The following FRMD4A variants were observed in gnomAD, a reference collection of about 807,000 sequenced individuals.
FRMD4A encodes the protein FERM domain-containing protein 4A.
A neutral mutation model predicts 129.1 loss-of-function variants in FRMD4A; 29 were observed. The observed-to-expected ratio is 0.22, with a 90% CI of 0.17 to 0.31. The LOEUF is 0.31. Ranked by LOEUF, FRMD4A falls within the 10% of genes least tolerant of loss-of-function variation. The pLI is 1.00. For missense variants in FRMD4A, 1,272 were observed against 1,375.8 expected (o/e 0.92, Z 1.19); for synonymous variants, 634 against 571.6 (o/e 1.11, Z -1.56).
intron 5 of FRMD4A, among the ~76,000 whole-genome samples, chr10:13,790,513 G>A (rs1167627553): frequency 5.3e-5 from 8 of 152,200 alleles, no homozygotes; most frequent in African/African-American, 1.9e-4. Flanking sequence ...GCAGAGCAGA[G>A]CAGGGAACCT....
At chr10:13,738,773 AC>A (rs1277043908) in intron 11 of FRMD4A, among the ~76,000 whole-genome samples, 2 of 152,206 alleles carry the variant, frequency 1.3e-5, no homozygotes, top group South Asian at 4.2e-4. Flanking sequence ...GGCACGTGCC[AC>A]CACGTCTGGC....
chr10:14,261,867 T>A (rs903187279), intron 2 of FRMD4A, among the ~76,000 whole-genome samples: 1 of 151,838 alleles, frequency 6.6e-6, no homozygotes, highest in Non-Finnish European at 1.5e-5. Flanking sequence ...CCAATCTGTG[T>A]CTAAAACGTA....
chr10:13,651,817 C>G (rs780225151), intron 24 of FRMD4A, 86 bp downstream of exon 24: 5 of 774,046 alleles, frequency 6.5e-6, no homozygotes, highest in Non-Finnish European at 1.2e-5. Flanking sequence ...CAGATGTATC[C>G]TTGTGGAAAT....
intron 4 of FRMD4A, among the ~76,000 whole-genome samples, chr10:13,804,816 C>T (rs1400269622): frequency 1.3e-5 from 2 of 151,482 alleles, no homozygotes; most frequent in African/African-American, 4.9e-5. Context: ...CCTCGGCCTC[C>T]CAAAGTGTTA....
chr10:13,751,476 G>T (rs1192213020), intron 8 of FRMD4A, among the ~76,000 whole-genome samples: 3 of 152,148 alleles, frequency 2.0e-5, no homozygotes, highest in South Asian at 2.1e-4. Context: ...GGGGTGTCTA[G>T]CCCTGTCAAT....
chr10:14,220,291 CA>C (rs1843206463), intron 2 of FRMD4A, among the ~76,000 whole-genome samples: 1 of 152,258 alleles, frequency 6.6e-6, no homozygotes, highest in African/African-American at 2.4e-5. Context: ...TATATGGCCC[CA>C]CTTCGGGAAA....
At chr10:14,139,525 C>G (rs1230609679) in intron 2 of FRMD4A, among the ~76,000 whole-genome samples, 1 of 152,080 alleles carries the variant, frequency 6.6e-6, no homozygotes, top group East Asian at 1.9e-4. Flanking sequence ...CCATGGCTCT[C>G]TACAACCTTG....
chr10:13,651,933 G>C lies in FRMD4A; in HGVS notation c.3092C>G (p.Ser1031Cys). ...TTCATCAGTACTTTGGTGAGGTGGA[G>C]ACTCAGACCCATCCAGAATGGGTGA... ...ENSPILDGSE[S>C]PPHQSTDE The change falls in exon 24 of 25, where the codon TCT (serine) becomes TGT (cysteine). Residue 1031 changes from serine to cysteine, a missense_variant. This residue lies in a region of FRMD4A where 972 missense variants were observed against 892.3 expected (regional missense o/e 1.09). Coordinates refer to ENST00000357447, the MANE Select transcript of FRMD4A (RefSeq NM_018027.5). 6.3e-7 allele frequency: 1 copy of C among 1,596,956 alleles called. No homozygotes were observed. Among genetic ancestry groups the C allele is most frequent in the Non-Finnish European group, 8.6e-7 (1 of 1,164,286 alleles).
chr10:13,820,738 G>C (rs1012724588), intron 3 of FRMD4A, among the ~76,000 whole-genome samples: 1 of 152,170 alleles, frequency 6.6e-6, no homozygotes, highest in Non-Finnish European at 1.5e-5. Context: ...GTTTGGACAC[G>C]CATGGCCGGA....
intron 2 of FRMD4A, among the ~76,000 whole-genome samples, chr10:14,231,512 T>G (rs1014877369): frequency 6.6e-6 from 1 of 152,076 alleles, no homozygotes; most frequent in African/African-American, 2.4e-5. Flanking sequence ...CCGGCTAATT[T>G]TTGTTGTGTG....
At chr10:13,952,297 A>G (rs1429900105) in intron 2 of FRMD4A, among the ~76,000 whole-genome samples, 1 of 151,958 alleles carries the variant, frequency 6.6e-6, no homozygotes, top group Non-Finnish European at 1.5e-5. Flanking sequence ...CAGGAGTTCA[A>G]GATTAGCTTG....
intron 2 of FRMD4A, among the ~76,000 whole-genome samples, chr10:14,118,797 C>A (rs1321421683): frequency 3.3e-5 from 5 of 152,150 alleles, no homozygotes; most frequent in Non-Finnish European, 7.4e-5. Context: ...AATTACCTCC[C>A]CTTGGCCCCA....
At chr10:13,919,476 A>G (rs1196994507) in intron 2 of FRMD4A, among the ~76,000 whole-genome samples, 2 of 152,238 alleles carry the variant, frequency 1.3e-5, no homozygotes. Flanking sequence ...TTAAGAGTGT[A>G]GAAAATGCTT....
intron 12 of FRMD4A, chr10:13,707,603 G>A (rs1010479194): frequency 1.0e-6 from 1 of 988,386 alleles, no homozygotes; most frequent in Non-Finnish European, 1.2e-6. Flanking sequence ...ATGGGAAGGC[G>A]TTCAAATTCC....
At chr10:13,941,444 A>G (rs2095291674) in intron 2 of FRMD4A, among the ~76,000 whole-genome samples, 1 of 152,204 alleles carries the variant, frequency 6.6e-6, no homozygotes, top group African/African-American at 2.4e-5. Flanking sequence ...GTGTAAACGG[A>G]CTAATACAGT....
At chr10:13,862,711 G>T (rs2094310951) in intron 2 of FRMD4A, among the ~76,000 whole-genome samples, 1 of 152,188 alleles carries the variant, frequency 6.6e-6, no homozygotes, top group African/African-American at 2.4e-5. Flanking sequence ...TGACAGCACT[G>T]CTGTGGTTTA....
chr10:14,102,255 G>A (rs546949689), intron 2 of FRMD4A, among the ~76,000 whole-genome samples: 5 of 152,240 alleles, frequency 3.3e-5, no homozygotes, highest in East Asian at 3.9e-4. Context: ...GGCCAGACAC[G>A]GTGACTCACG....
chr10:13,859,124 T>A (rs1335186627), intron 2 of FRMD4A, among the ~76,000 whole-genome samples: 1 of 152,226 alleles, frequency 6.6e-6, no homozygotes, highest in Non-Finnish European at 1.5e-5. Flanking sequence ...ACGCCTGTAA[T>A]CCCAGTACTT....
At chr10:13,884,212 A>ACACACT (rs1564971832) in intron 2 of FRMD4A, among the ~76,000 whole-genome samples, 1 of 84,904 alleles carries the variant, frequency 1.2e-5, no homozygotes, top group African/African-American at 4.3e-5. Context: ...ACACACTCAC[A>ACACACT]CACACACACA....
Sources: gnomAD v4.1 joint callset for allele counts (sites outside exome capture counted in the v4.1 genomes callset) on GRCh38, gnomAD v4.1.1 for gene constraint, gnomAD v4.1.1 regional missense constraint, MANE v1.5 for transcripts, NCBI Gene and HGNC (gene_info 2026-07-23, HGNC 2026-07-21) for gene names.